The following ANKRD12 variants were observed in gnomAD, a reference collection of about 807,000 sequenced individuals.
ANKRD12 encodes the protein ankyrin repeat domain 12, also known as ankyrin repeat domain-containing protein 12.
A neutral mutation model predicts 183.4 loss-of-function variants in ANKRD12; 85 were observed. That is an observed-to-expected ratio of 0.46 (90% CI 0.39 to 0.56). The LOEUF is 0.56. ANKRD12 is among the 20% of genes least tolerant of loss of function. ANKRD12 has a pLI of 0.00. For synonymous variants in ANKRD12, 914 were observed against 800.2 expected (o/e 1.14, Z -2.40); for missense variants, 2,405 against 2,357.1 (o/e 1.02, Z -0.42).
chr18:9,195,720 T>G (rs780597549), intron 3 of ANKRD12, 22 bp downstream of exon 3: 1 of 1,600,308 alleles, frequency 6.2e-7, no homozygotes, highest in Admixed American at 1.7e-5. Context: ...TGCTGTTCTC[T>G]GGTAAAATCT....
chr18:9,169,820 C>T (rs576238398), intron 1 of ANKRD12, among the ~76,000 whole-genome samples: 12 of 152,182 alleles, frequency 7.9e-5, no homozygotes, highest in South Asian at 4.1e-4. Context: ...ATGGTCTTTA[C>T]AATTTGGCAT....
chr18:9,212,322 A>G (rs2035850197), intron 6 of ANKRD12, among the ~76,000 whole-genome samples: 1 of 151,986 alleles, frequency 6.6e-6, no homozygotes, highest in Non-Finnish European at 1.5e-5. Flanking sequence ...CCATAGAACT[A>G]TGGTTAACGC....
At chr18:9,215,206 A>G (rs1178258213) in intron 6 of ANKRD12, among the ~76,000 whole-genome samples, 1 of 152,136 alleles carries the variant, frequency 6.6e-6, no homozygotes, top group Non-Finnish European at 1.5e-5. Context: ...AAGGACATTT[A>G]TTAGTAAGGA....
intron 7 of ANKRD12, 61 bp downstream of exon 7, chr18:9,216,961 T>A: frequency 6.7e-7 from 1 of 1,483,964 alleles, no homozygotes; most frequent in Non-Finnish European, 9.3e-7. Context: ...CAACCCAAAG[T>A]AATTTCATTC....
chr18:9,268,883 A>G (rs1476899800), intron 10 of ANKRD12, among the ~76,000 whole-genome samples: 1 of 152,224 alleles, frequency 6.6e-6, no homozygotes, highest in Non-Finnish European at 1.5e-5. Context: ...CCATCGTCTC[A>G]GCCCCAAATC....
intron 3 of ANKRD12, 146 bp downstream of exon 3, chr18:9,195,844 A>T (rs1217345237): frequency 2.6e-6 from 2 of 754,920 alleles, no homozygotes; most frequent in Non-Finnish European, 3.9e-6. Context: ...TGGGGTAGGA[A>T]TTCCATCTAT....
chr18:9,181,877 A>C (rs2033724091), intron 1 of ANKRD12, among the ~76,000 whole-genome samples: 1 of 152,096 alleles, frequency 6.6e-6, no homozygotes, highest in Non-Finnish European at 1.5e-5. Context: ...TATATCAGTG[A>C]GTAGTTTGAT....
intron 2 of ANKRD12, among the ~76,000 whole-genome samples, chr18:9,189,735 G>A (rs901730669): frequency 6.6e-6 from 1 of 152,140 alleles, no homozygotes; most frequent in Admixed American, 6.5e-5. Flanking sequence ...TCACAGCATG[G>A]TTTCCTGAAT....
chr18:9,235,490 T>C (rs1484599648), intron 8 of ANKRD12: 10 of 224,500 alleles, frequency 4.5e-5, no homozygotes, highest in Admixed American at 4.1e-4. Context: ...ATAGTTAATA[T>C]ATCTCTAAGC....
intron 2 of ANKRD12, among the ~76,000 whole-genome samples, chr18:9,187,662 T>C (rs1056740034): frequency 6.6e-6 from 1 of 152,242 alleles, no homozygotes. Context: ...CACCTTTCAC[T>C]GCTCATCTGT....
chr18:9,254,690 A>G lies in ANKRD12; in HGVS notation c.1423A>G (p.Lys475Glu). 6.6e-7 allele frequency: 1 copy of G among 1,522,828 alleles called. No homozygotes were observed. Among genetic ancestry groups the G allele is most frequent in the Non-Finnish European group, 8.8e-7 (1 of 1,137,878 alleles). 94.3% of individuals were successfully genotyped at this position (1,522,828 alleles called of 1,614,324 possible). A position where few individuals can be genotyped will look rare whatever the true frequency, so the allele number is the denominator to read the frequency against. Reference sequence around the variant, plus strand: ...CAAACAGAAAGGCAAAGTTAAAAGAAAATTGAAAAATCAGAATAAAAATAA... The same window carrying G: ...CAAACAGAAAGGCAAAGTTAAAAGAGAATTGAAAAATCAGAATAAAAATAA... ...EHKQKGKVKR[K>E]LKNQNKNKEN... The change falls in exon 9 of 13, where the codon AAA (lysine) becomes GAA (glutamate). Residue 475 changes from lysine to glutamate, a missense_variant. Lys to Glu is a moderately conservative substitution (Grantham distance 56). Around this residue, in one of 7 missense-constraint regions of ANKRD12, gnomAD observed 1,983 missense variants for 1,725.9 expected, o/e 1.15. Coordinates refer to ENST00000262126, the MANE Select transcript of ANKRD12 (RefSeq NM_015208.5).
intron 1 of ANKRD12, among the ~76,000 whole-genome samples, chr18:9,143,391 T>C (rs2143386578): frequency 6.6e-6 from 1 of 152,340 alleles, no homozygotes; most frequent in East Asian, 1.9e-4. Context: ...GTAGTGGTTA[T>C]TGAGCCTTCA....
chr18:9,240,154 T>C (rs948978375), intron 8 of ANKRD12, among the ~76,000 whole-genome samples: 1 of 152,232 alleles, frequency 6.6e-6, no homozygotes. Flanking sequence ...CAGGTTTGCC[T>C]GTCTTTATGG....
At chr18:9,277,635 GTTTC>G (rs1183376967) in intron 11 of ANKRD12, among the ~76,000 whole-genome samples, 1 of 151,740 alleles carries the variant, frequency 6.6e-6, no homozygotes, top group African/African-American at 2.4e-5. Context: ...CCGACACCCT[GTTTC>G]TTAAAAGTAA....
At chr18:9,144,226 A>G (rs2078417677) in intron 1 of ANKRD12, among the ~76,000 whole-genome samples, 1 of 152,154 alleles carries the variant, frequency 6.6e-6, no homozygotes, top group African/African-American at 2.4e-5. Context: ...ACAGCATGCA[A>G]TTATTGTATG....
At chr18:9,269,848 A>T (rs1267582723) in intron 10 of ANKRD12, among the ~76,000 whole-genome samples, 1 of 149,956 alleles carries the variant, frequency 6.7e-6, no homozygotes, top group Non-Finnish European at 1.5e-5. Context: ...ACAAAATGGG[A>T]GAAAATTTTT....
chr18:9,255,187 GA>G lies in ANKRD12; in HGVS notation c.1927del (p.Met643TrpfsTer8). 7 of 1,570,884 alleles carry G rather than the reference GA, an allele frequency of 4.5e-6. No homozygotes were observed. The highest frequency in any genetic ancestry group is 2.4e-5 in the South Asian group (2 of 82,596). On this transcript the variant is annotated frameshift_variant, in exon 9 of 13. Transcript: ENST00000262126. LOFTEE classifies it high-confidence loss of function. ...PTFENSDCTL[K>X]KMDKEGKTLK... ...CATTTGAAAATTCAGATTGCACACTGAAAAAAATGGATAAAGAAGGTAAAAC... is the reference window on the plus strand; with the variant it reads ...CATTTGAAAATTCAGATTGCACACTGAAAAAATGGATAAAGAAGGTAAAAC...
At chr18:9,237,236 A>G (rs1243733822) in intron 8 of ANKRD12, among the ~76,000 whole-genome samples, 9 of 152,216 alleles carry the variant, frequency 5.9e-5, no homozygotes, top group Admixed American at 3.9e-4. Flanking sequence ...ATATCTATCA[A>G]TGAAATGATA....
rs117648009 is a variant in ANKRD12, at chr18:9,191,130, G to A, written c.88-4421G>A. 4.7e-3 allele frequency among the ~76,000 whole-genome samples: 712 copies of A among 152,200 alleles called. 4 individuals are homozygous for A. The highest frequency in any genetic ancestry group is 8.2e-3 in the Non-Finnish European group (561 of 68,012). On this transcript the variant is annotated intron_variant, in intron 2 of 12. Transcript: ENST00000262126. ...TTACCATTGATGCTTTCATTATTAC[G>A]TGTGATGGCTGTTGCCAGTTATTGG...
Sources: gnomAD v4.1 joint callset for allele counts (sites outside exome capture counted in the v4.1 genomes callset) on GRCh38, gnomAD v4.1.1 for gene constraint, gnomAD v4.1.1 regional missense constraint, MANE v1.5 for transcripts, NCBI Gene and HGNC (gene_info 2026-07-23, HGNC 2026-07-21) for gene names.